Variants in SLC24A2 observed in about 807,000 individuals in gnomAD.
The protein encoded by SLC24A2 is sodium/potassium/calcium exchanger 2.
A neutral mutation model predicts 62.0 loss-of-function variants in SLC24A2; 36 were observed. That is an observed-to-expected ratio of 0.58 (90% confidence interval 0.44 to 0.77). The LOEUF is 0.77. SLC24A2 is among the 30% of genes least tolerant of loss of function. The pLI is 0.00. For missense variants in SLC24A2, 846 were observed against 817.9 expected (o/e 1.03, Z -0.42); for synonymous variants, 358 against 294.0 (o/e 1.22, Z -2.23).
the SLC24A2 span, among the ~76,000 whole-genome samples, chr9:19,915,746 T>G: frequency 6.6e-6 from 1 of 152,060 alleles, no homozygotes; most frequent in African/African-American, 2.4e-5. Context: ...TGGAGAACTA[T>G]CTATTCACAT....
At chr9:20,114,892 T>C in the SLC24A2 span, among the ~76,000 whole-genome samples, 10 of 152,072 alleles carry the variant, frequency 6.6e-5, no homozygotes, top group South Asian at 4.1e-4. Flanking sequence ...ATAAAACAAA[T>C]TGACAAAAGA....
intron 5 of SLC24A2, among the ~76,000 whole-genome samples, chr9:19,578,951 ACT>A (rs752478526): frequency 6.6e-6 from 1 of 152,138 alleles, no homozygotes; most frequent in Non-Finnish European, 1.5e-5. Context: ...CACTGAGTAC[ACT>A]CTCAAAAGAA....
the SLC24A2 span, among the ~76,000 whole-genome samples, chr9:20,040,142 C>A: frequency 6.6e-6 from 1 of 152,208 alleles, no homozygotes; most frequent in Non-Finnish European, 1.5e-5. Flanking sequence ...TATCATCATT[C>A]ATTCATTCAA....
At chr9:19,794,178 G>A in the SLC24A2 span, among the ~76,000 whole-genome samples, 5 of 152,154 alleles carry the variant, frequency 3.3e-5, no homozygotes, top group South Asian at 2.1e-4. Flanking sequence ...ATTCACTTAC[G>A]AGGTAAGAAG....
intron 2 of SLC24A2, among the ~76,000 whole-genome samples, chr9:19,693,586 G>GT (rs758478550): frequency 7.5e-4 from 114 of 152,076 alleles, no homozygotes; most frequent in Non-Finnish European, 2.8e-4. Context: ...TAAAAACGGT[G>GT]TTTTTTCCAA....
the SLC24A2 span, among the ~76,000 whole-genome samples, chr9:20,056,116 A>G: frequency 2.0e-5 from 3 of 152,206 alleles, 1 homozygote; most frequent in Non-Finnish European, 4.4e-5. Flanking sequence ...TACCTATCAC[A>G]TGAGAAGTTG....
intron 7 of SLC24A2, among the ~76,000 whole-genome samples, chr9:19,559,743 A>G (rs10964204): frequency 0.11 from 16,994 of 152,238 alleles, 1,011 homozygotes; most frequent in African/African-American, 0.15. Context: ...GGAAATACCT[A>G]TAAACTCCCA....
At chr9:19,849,093 G>C in the SLC24A2 span, among the ~76,000 whole-genome samples, 1 of 152,214 alleles carries the variant, frequency 6.6e-6, no homozygotes, top group Non-Finnish European at 1.5e-5. Flanking sequence ...GGGGCACTGA[G>C]TGGGCAGAGA....
chr9:19,623,256 C>A (rs1817953788), intron 2 of SLC24A2, among the ~76,000 whole-genome samples: 1 of 152,230 alleles, frequency 6.6e-6, no homozygotes. Context: ...ACCTCAACTA[C>A]AGGTGCAGAC....
intron 2 of SLC24A2, among the ~76,000 whole-genome samples, chr9:19,719,505 G>GGAGTGAGAGCTGAGGCTGAT (rs374448632): frequency 0.011 from 1,648 of 152,270 alleles, 32 homozygotes; most frequent in African/African-American, 0.038. Context: ...CTGAGGCTGA[G>GGAGTGAGAGCTGAGGCTGAT]AAATGAGAGG....
chr9:20,018,198 C>A, the SLC24A2 span, among the ~76,000 whole-genome samples: 1 of 152,194 alleles, frequency 6.6e-6, no homozygotes, highest in Non-Finnish European at 1.5e-5. Flanking sequence ...CTGCCGGTCT[C>A]GGCCTCCTAA....
At chr9:19,577,837 A>G (rs1213356516) in intron 5 of SLC24A2, among the ~76,000 whole-genome samples, 4 of 148,402 alleles carry the variant, frequency 2.7e-5, no homozygotes, top group Admixed American at 6.7e-5. Context: ...TATATTATAT[A>G]TAGTTATATA....
chr9:19,796,070 A>G, the SLC24A2 span, among the ~76,000 whole-genome samples: 8 of 141,908 alleles, frequency 5.6e-5, no homozygotes, highest in African/African-American at 1.8e-4. Flanking sequence ...GAATTGAACC[A>G]TGAGAACACA....
chr9:20,167,219 C>T, the SLC24A2 span, among the ~76,000 whole-genome samples: 33 of 152,066 alleles, frequency 2.2e-4, no homozygotes, highest in African/African-American at 7.7e-4. Context: ...TATACATTCT[C>T]AATCCAGGGG....
chr9:19,511,835 T>C lies in SLC24A2; in HGVS notation c.*4318A>G, dbSNP rs2132606761. 1 of 152,276 alleles carries C rather than the reference T, an allele frequency of 6.6e-6. No homozygotes were observed. Among genetic ancestry groups the C allele is most frequent in the Non-Finnish European group, 1.5e-5 (1 of 68,066 alleles). The allele number at this position is 152,276 out of a possible 1,614,324, so 9.4% of individuals were successfully genotyped here. On this transcript the variant is annotated 3_prime_UTR_variant, in exon 11 of 11. Coordinates refer to ENST00000341998, the MANE Select transcript of SLC24A2 (RefSeq NM_020344.4). The stretch of plus-strand genomic sequence containing the variant: ...TTACCAGAAAAACAATCTGTCCAGG[T>C]GCAAGGAGGCATAGCATCCACATAA...
chr9:19,852,309 A>G, the SLC24A2 span, among the ~76,000 whole-genome samples: 1 of 152,098 alleles, frequency 6.6e-6, no homozygotes, highest in East Asian at 1.9e-4. Context: ...GCTGCGTAGA[A>G]GCTCTTTAGT....
chr9:19,987,833 T>C, the SLC24A2 span, among the ~76,000 whole-genome samples: 1 of 152,176 alleles, frequency 6.6e-6, no homozygotes, highest in East Asian at 1.9e-4. Context: ...CACCAATCCT[T>C]ACATAGAGGA....
At chr9:19,924,406 C>T in the SLC24A2 span, among the ~76,000 whole-genome samples, 2 of 152,260 alleles carry the variant, frequency 1.3e-5, no homozygotes, top group Middle Eastern at 3.4e-3. Context: ...CTGCAGTTAC[C>T]AGTTACCTTA....
chr9:19,529,568 G>C (rs940667224), intron 8 of SLC24A2, among the ~76,000 whole-genome samples: 5 of 152,086 alleles, frequency 3.3e-5, no homozygotes, highest in Non-Finnish European at 5.9e-5. Context: ...TCGGGGGAGG[G>C]CATCAGGCCA....
Sources: allele counts gnomAD v4.1 joint callset (sites outside exome capture counted in the v4.1 genomes callset), GRCh38; gene constraint gnomAD v4.1.1; transcripts MANE v1.5; gene names NCBI Gene and HGNC (gene_info 2026-07-23, HGNC 2026-07-21).